The following PPM1B variants were observed in gnomAD, a reference collection of about 807,000 sequenced individuals.
The protein encoded by PPM1B is protein phosphatase, Mg2+/Mn2+ dependent 1B.
In PPM1B, 22 loss-of-function variants were observed where a neutral mutation model predicts 43.0. That is an observed-to-expected ratio of 0.51 (90% CI 0.37 to 0.73). PPM1B has a LOEUF of 0.73. Ranked by LOEUF, PPM1B falls within the 30% of genes least tolerant of loss-of-function variation. PPM1B has a pLI of 0.00. For synonymous variants in PPM1B, 217 were observed against 197.9 expected (o/e 1.10, Z -0.81); for missense variants, 632 against 584.2 (o/e 1.08, Z -0.84).
intron 5 of PPM1B, among the ~76,000 whole-genome samples, chr2:44,242,079 C>G (rs1398109289): frequency 6.6e-6 from 1 of 151,600 alleles, no homozygotes; most frequent in Admixed American, 6.6e-5. Context: ...AAGATGGTCT[C>G]GATCTCCTGA....
At chr2:44,203,644 G>A (rs1030787381) in intron 2 of PPM1B, among the ~76,000 whole-genome samples, 3 of 152,030 alleles carry the variant, frequency 2.0e-5, no homozygotes, top group East Asian at 1.9e-4. Flanking sequence ...TTATAAAACC[G>A]AGATGATTAT....
intron 5 of PPM1B, among the ~76,000 whole-genome samples, chr2:44,220,942 A>G (rs1208503079): frequency 2.0e-5 from 3 of 152,230 alleles, no homozygotes; most frequent in Non-Finnish European, 4.4e-5. Flanking sequence ...TTTTTTGGCT[A>G]AAGCAGAGAA....
At chr2:44,191,729 C>T (rs779644343) in intron 1 of PPM1B, among the ~76,000 whole-genome samples, 1 of 152,060 alleles carries the variant, frequency 6.6e-6, no homozygotes, top group African/African-American at 2.4e-5. Flanking sequence ...CAACAATTCT[C>T]CAGGAAATTA....
chr2:44,244,289 G>A (rs776939068), exon 6 of PPM1B: 4 of 1,360,674 alleles, frequency 2.9e-6, no homozygotes, highest in South Asian at 2.3e-5. Flanking sequence ...AAGAAAGGCA[G>A]TGGCTGGCAG....
At chr2:44,185,676 A>C (rs1222002851) in intron 1 of PPM1B, among the ~76,000 whole-genome samples, 1 of 152,204 alleles carries the variant, frequency 6.6e-6, no homozygotes, top group Non-Finnish European at 1.5e-5. Context: ...TTGTTTTCAT[A>C]ATCTTGCTCT....
chr2:44,185,348 G>A (rs1425422267), intron 1 of PPM1B, among the ~76,000 whole-genome samples: 1 of 152,104 alleles, frequency 6.6e-6, no homozygotes, highest in African/African-American at 2.4e-5. Flanking sequence ...TTCTGTTTTT[G>A]ATATAGCCTG....
downstream of PPM1B, among the ~76,000 whole-genome samples, chr2:44,237,112 CTGAAA>C (rs1670643360): frequency 6.6e-6 from 1 of 152,194 alleles, no homozygotes; most frequent in Non-Finnish European, 1.5e-5. Context: ...AGAAAATGCA[CTGAAA>C]TGAAGTTACT....
chr2:44,216,099 G>C, intron 3 of PPM1B, among the ~76,000 whole-genome samples: 1 of 152,230 alleles, frequency 6.6e-6, no homozygotes, highest in East Asian at 1.9e-4. Context: ...TTGAGTACAA[G>C]AGTGATTTGT....
intron 1 of PPM1B, among the ~76,000 whole-genome samples, chr2:44,187,683 A>G (rs964584748): frequency 1.3e-5 from 2 of 151,908 alleles, no homozygotes; most frequent in Non-Finnish European, 2.9e-5. Context: ...TGATAATTTC[A>G]TTTCTTCTCA....
intron 4 of PPM1B, 121 bp from the exon 5 acceptor site, chr2:44,218,359 C>A: frequency 1.3e-6 from 1 of 766,556 alleles, no homozygotes; most frequent in Non-Finnish European, 2.2e-6. Context: ...AAGGTATGTT[C>A]TTGACAAGTA....
At chr2:44,180,218 A>T (rs980732565) in intron 1 of PPM1B, among the ~76,000 whole-genome samples, 33 of 152,244 alleles carry the variant, frequency 2.2e-4, no homozygotes, top group African/African-American at 7.7e-4. Context: ...TGTTTTGCTT[A>T]ATCTTGATCT....
chr2:44,193,012 A>G (rs145005494), intron 1 of PPM1B, among the ~76,000 whole-genome samples: 314 of 152,298 alleles, frequency 2.1e-3, no homozygotes, highest in African/African-American at 7.3e-3. Flanking sequence ...GTTTTGGTAA[A>G]TAATGCCACA....
intron 5 of PPM1B, among the ~76,000 whole-genome samples, chr2:44,221,763 T>C (rs897644439): frequency 3.3e-5 from 5 of 151,936 alleles, no homozygotes; most frequent in African/African-American, 1.2e-4. Context: ...ATTTTTCTTA[T>C]AATTAAGACA....
rs767149331 is a variant in PPM1B, at chr2:44,202,017, A to C, written c.818A>C (p.Asn273Thr). 1.6e-5 allele frequency: 26 copies of C among 1,603,350 alleles called. No individual in the cohort carries two copies. Among genetic ancestry groups the C allele is most frequent in the Non-Finnish European group, 2.0e-5 (24 of 1,174,636 alleles). The change falls in exon 2 of 6, where the codon AAT becomes ACT. Residue 273 changes from asparagine (N) to threonine (T), a missense_variant. Around this residue, in one of 3 missense-constraint regions of PPM1B, gnomAD observed 392 missense variants for 302.7 expected, o/e 1.29. Transcript: ENST00000282412. ...EVSDDLENVC[N>T]WVVDTCLHKG... ...TCTGATGACCTGGAAAATGTGTGCA[A>C]TTGGGTAGTGGACACTTGTTTACAC...
At chr2:44,174,857 T>C (rs549982939) in intron 1 of PPM1B, among the ~76,000 whole-genome samples, 1 of 152,302 alleles carries the variant, frequency 6.6e-6, no homozygotes, top group African/African-American at 2.4e-5. Flanking sequence ...TTTAACCTAT[T>C]TGGGCAGTGT....
In PPM1B at chr2:44,231,079, T is replaced by C. The variant is rs1670451290; in HGVS notation, c.*361T>C. 1.1e-6 allele frequency: 1 copy of C among 902,028 alleles called. No homozygotes were observed. The highest frequency in any genetic ancestry group is 5.0e-5 in the South Asian group (1 of 20,008). The allele number at this position is 902,028 out of a possible 1,614,324, so 55.9% of individuals were successfully genotyped here. On this transcript the variant is annotated 3_prime_UTR_variant, in exon 6 of 6. Transcript: ENST00000282412. ...ACTTGTTAATGTAGAATTATACTGC[T>C]TCATATTATTTTACCTATTAGTACA... is the stretch of plus-strand genomic sequence containing the variant.
At position 44,218,556 on chromosome 2, in the gene PPM1B, C is replaced by A; in HGVS notation, c.1134+19C>A. The A allele has an allele frequency of 6.6e-7, 1 of 1,516,836 alleles. No individual in the cohort carries two copies. The highest frequency in any genetic ancestry group is 9.0e-7 in the Non-Finnish European group (1 of 1,114,280). 94.0% of individuals were successfully genotyped at this position (1,516,836 alleles called of 1,614,324 possible). On this transcript the variant is annotated intron_variant, in intron 5 of 5. Coordinates refer to ENST00000282412, the MANE Select transcript of PPM1B (RefSeq NM_002706.6). ...TGATGGGGTAAGTTTTATTTTATTT[C>A]ATAAGCATTTGAAGTAATTTCACAA...
At position 44,220,381 on chromosome 2, in the gene PPM1B, A is replaced by G. The variant is rs1245903102; in HGVS notation, c.1134+1844A>G. 4.6e-5 allele frequency among the ~76,000 whole-genome samples: 7 copies of G among 152,142 alleles called. No individual in the cohort carries two copies. The East Asian group carries it at 1.3e-3, about 29-fold the overall frequency. ...GATAACTTTTAAATTTTTTAAAAAG[A>G]AAAAATGATTACACATAGTAGCTAC... On this transcript the variant is annotated intron_variant, in intron 5 of 5. Coordinates refer to ENST00000282412, the MANE Select transcript of PPM1B (RefSeq NM_002706.6).
At chr2:44,183,317 G>A (rs1667969743) in intron 1 of PPM1B, among the ~76,000 whole-genome samples, 2 of 152,260 alleles carry the variant, frequency 1.3e-5, no homozygotes, top group East Asian at 1.9e-4. Context: ...AGTGACATTC[G>A]ATGAAATCAG....
Sources: gnomAD v4.1 joint callset for allele counts (sites outside exome capture counted in the v4.1 genomes callset) on GRCh38, gnomAD v4.1.1 for gene constraint, gnomAD v4.1.1 regional missense constraint, MANE v1.5 for transcripts, NCBI Gene and HGNC (gene_info 2026-07-23, HGNC 2026-07-21) for gene names.